SYT17: variants seen among roughly 807,000 people sequenced by gnomAD.
The protein encoded by SYT17 is synaptotagmin-17.
SYT17 carries 22 observed loss-of-function variants against 46.7 expected under a neutral mutation model. That is an observed-to-expected ratio of 0.47 (90% CI 0.34 to 0.67). The LOEUF is 0.67. Among genes scored for constraint, SYT17 ranks in the 30% least tolerant of loss-of-function variants. The probability of loss-of-function intolerance (pLI) is 0.01; values close to 1 mark genes in which losing one functional copy is unlikely to be tolerated. For missense variants in SYT17, 519 were observed against 612.8 expected (o/e 0.85, Z 1.62); for synonymous variants, 251 against 248.4 (o/e 1.01, Z -0.10).
At chr16:19,240,941 CTTT>C (rs970503158) in intron 7 of SYT17, among the ~76,000 whole-genome samples, 14 of 98,788 alleles carry the variant, frequency 1.4e-4, no homozygotes, top group East Asian at 8.6e-4. Context: ...AGGCTCAGTT[CTTT>C]TTTTTTTTTT....
intron 3 of SYT17, among the ~76,000 whole-genome samples, chr16:19,175,273 C>CCATTATT (rs1470283009): frequency 2.0e-5 from 3 of 152,170 alleles, no homozygotes; most frequent in Non-Finnish European, 4.4e-5. Context: ...AAGAACTCTT[C>CCATTATT]CATTATTCAT....
chr16:19,209,864 C>A (rs1315598884), intron 5 of SYT17, among the ~76,000 whole-genome samples: 1 of 148,776 alleles, frequency 6.7e-6, no homozygotes, highest in Non-Finnish European at 1.5e-5. Flanking sequence ...GGAGACAGAG[C>A]AAGACTCTGT....
intron 5 of SYT17, among the ~76,000 whole-genome samples, chr16:19,222,712 G>A (rs538410170): frequency 3.9e-5 from 6 of 152,194 alleles, no homozygotes; most frequent in Non-Finnish European, 8.8e-5. Flanking sequence ...CTGTTAAACA[G>A]AGTTAATACT....
At chr16:19,226,192 C>G (rs1966490359) in intron 7 of SYT17, among the ~76,000 whole-genome samples, 1 of 152,194 alleles carries the variant, frequency 6.6e-6, no homozygotes, top group South Asian at 2.1e-4. Flanking sequence ...CACAAAGTCT[C>G]AAGCTGATAG....
intron 7 of SYT17, among the ~76,000 whole-genome samples, chr16:19,225,237 T>G (rs1966460066): frequency 6.6e-6 from 1 of 152,160 alleles, no homozygotes; most frequent in African/African-American, 2.4e-5. Flanking sequence ...GTGTTAGTTT[T>G]GATGATGATG....
intron 5 of SYT17, among the ~76,000 whole-genome samples, chr16:19,214,612 A>G (rs1966023162): frequency 6.6e-6 from 1 of 152,122 alleles, no homozygotes. Context: ...TAGAGCCGAC[A>G]TTTATGATGC....
intron 5 of SYT17, among the ~76,000 whole-genome samples, chr16:19,196,015 C>T (rs977718205): frequency 1.3e-5 from 2 of 151,710 alleles, no homozygotes; most frequent in Non-Finnish European, 2.9e-5. Context: ...ACCAAAAAGA[C>T]TCAAAAAAAA....
intron 7 of SYT17, among the ~76,000 whole-genome samples, chr16:19,257,895 C>T (rs1968691214): frequency 6.6e-6 from 1 of 152,062 alleles, no homozygotes; most frequent in African/African-American, 2.4e-5. Flanking sequence ...CCTTCATTAC[C>T]TTGTGAACCA....
intron 5 of SYT17, among the ~76,000 whole-genome samples, chr16:19,188,150 A>C (rs1272028191): frequency 6.6e-6 from 1 of 152,228 alleles, no homozygotes; most frequent in African/African-American, 2.4e-5. Flanking sequence ...AATACTATGC[A>C]GTCATGAAAA....
At chr16:19,216,888 A>T (rs1298754782) in intron 5 of SYT17, among the ~76,000 whole-genome samples, 1 of 152,238 alleles carries the variant, frequency 6.6e-6, no homozygotes, top group Non-Finnish European at 1.5e-5. Flanking sequence ...ATCCTTGGAT[A>T]TATACCCAGT....
At position 19,267,107 on chromosome 16, in the gene SYT17, T is replaced by TTTAAA; in HGVS notation, c.*31_*32insTTAAA. The TTTAAA allele has an allele frequency of 7.6e-7, 1 of 1,312,360 alleles. No homozygotes were observed. The highest frequency in any genetic ancestry group is 1.7e-5 in the South Asian group (1 of 59,628). 81.3% of individuals were successfully genotyped at this position (1,312,360 alleles called of 1,614,324 possible). A position where few individuals can be genotyped will look rare whatever the true frequency, so the allele number is the denominator to read the frequency against. ...GCAGGGAAGGCAGCTTTCATTTGTTTAAAAAAAAAAAAAAAAGACGGAAAA... is the reference window on the plus strand; with the variant it reads ...GCAGGGAAGGCAGCTTTCATTTGTTTTTAAAAAAAAAAAAAAAAAAAGACGGAAAA... On this transcript the variant is annotated 3_prime_UTR_variant, in exon 8 of 8. Coordinates refer to ENST00000355377, the MANE Select transcript of SYT17 (RefSeq NM_016524.4).
At position 19,180,592 on chromosome 16, in the gene SYT17, C is replaced by G. The variant is rs1479792191; in HGVS notation, c.331+53C>G. On this transcript the variant is annotated intron_variant, in intron 4 of 7. Transcript: ENST00000355377. ...GGGCCCTGGCTGGCTTTCCCAGACA[C>G]TCTCCCACGGAGAGTCATGAAGGGC... The G allele has an allele frequency of 5.6e-6, 9 of 1,606,732 alleles. No homozygotes were observed. The Admixed American group carries it at 6.7e-5, about 12-fold the overall frequency.
At chr16:19,207,480 C>T (rs1965717044) in intron 5 of SYT17, among the ~76,000 whole-genome samples, 1 of 151,610 alleles carries the variant, frequency 6.6e-6, no homozygotes, top group South Asian at 2.1e-4. Flanking sequence ...CGGTGGAAGG[C>T]AAGGGGGGGA....
intron 7 of SYT17, among the ~76,000 whole-genome samples, chr16:19,228,371 G>A (rs1966569773): frequency 6.6e-6 from 1 of 152,190 alleles, no homozygotes; most frequent in Non-Finnish European, 1.5e-5. Flanking sequence ...TGACTTGGAA[G>A]TTCAGGCTCC....
chr16:19,191,614 A>G (rs1567205412), intron 5 of SYT17, among the ~76,000 whole-genome samples: 1 of 152,234 alleles, frequency 6.6e-6, no homozygotes, highest in African/African-American at 2.4e-5. Flanking sequence ...AATGTCAGCC[A>G]CTTATTTTGA....
At chr16:19,242,968 C>T (rs1967246117) in intron 7 of SYT17, among the ~76,000 whole-genome samples, 2 of 152,162 alleles carry the variant, frequency 1.3e-5, no homozygotes, top group African/African-American at 4.8e-5. Context: ...ACTTAGCACA[C>T]AGCAGATGCT....
chr16:19,205,351 C>T (rs1965625490), intron 5 of SYT17, among the ~76,000 whole-genome samples: 3 of 152,116 alleles, frequency 2.0e-5, no homozygotes, highest in Admixed American at 2.0e-4. Flanking sequence ...ACTACCATGT[C>T]TCTCCTTGGA....
At chr16:19,215,588 T>G (rs934014126) in intron 5 of SYT17, among the ~76,000 whole-genome samples, 2 of 152,122 alleles carry the variant, frequency 1.3e-5, no homozygotes, top group African/African-American at 4.8e-5. Flanking sequence ...ATTTTTTAAT[T>G]TTTTTGTAGC....
intron 5 of SYT17, among the ~76,000 whole-genome samples, chr16:19,216,813 G>A (rs1966114028): frequency 6.6e-6 from 1 of 152,144 alleles, no homozygotes; most frequent in Non-Finnish European, 1.5e-5. Flanking sequence ...CCAAGTCCTT[G>A]CTATTGTGAA....
Sources: gnomAD v4.1 joint callset for allele counts (sites outside exome capture counted in the v4.1 genomes callset) on GRCh38, gnomAD v4.1.1 for gene constraint, MANE v1.5 for transcripts, NCBI Gene and HGNC (gene_info 2026-07-23, HGNC 2026-07-21) for gene names.